The following STARD10 variants were observed in gnomAD, a reference collection of about 807,000 sequenced individuals.
STARD10 encodes START domain-containing protein 10.
A neutral mutation model predicts 36.0 loss-of-function variants in STARD10; 24 were observed. The observed-to-expected ratio is 0.67, with a 90% CI of 0.48 to 0.94. The LOEUF (loss-of-function observed/expected upper bound fraction) is 0.94. STARD10 is among the 40% of genes least tolerant of loss of function. The pLI is 0.00. For synonymous variants in STARD10, 156 were observed against 161.9 expected, an observed-to-expected ratio of 0.96 and a Z score of 0.28; for missense variants, 335 against 396.6, an observed-to-expected ratio of 0.84 and a Z score of 1.32.
intron 1 of STARD10, among the ~76,000 whole-genome samples, chr11:72,788,397 A>G (rs552252232): frequency 1.1e-4 from 16 of 152,300 alleles, no homozygotes; most frequent in Middle Eastern, 3.4e-3. Context: ...TGGTGTGCAC[A>G]TTCTCCAGGA....
chr11:72,772,306 G>A (rs1442178491), intron 2 of STARD10, among the ~76,000 whole-genome samples: 1 of 151,352 alleles, frequency 6.6e-6, no homozygotes, highest in East Asian at 1.9e-4. Flanking sequence ...AGTGGGCATG[G>A]CTCTCCCTGT....
At chr11:72,757,926 G>A (rs1858665478) in intron 4 of STARD10, 42 bp from the exon 5 acceptor site, 1 of 1,570,514 alleles carries the variant, frequency 6.4e-7, no homozygotes, top group Non-Finnish European at 8.8e-7. Context: ...CGGGGTGGGG[G>A]CAAAGAAGAT....
intron 2 of STARD10, among the ~76,000 whole-genome samples, chr11:72,774,521 G>T (rs1055225331): frequency 6.6e-6 from 1 of 152,228 alleles, no homozygotes; most frequent in African/African-American, 2.4e-5. Context: ...GGGCATCAAG[G>T]CCAGTCCAAG....
chr11:72,783,740 G>A (rs1246009856), intron 1 of STARD10: 2 of 152,456 alleles, frequency 1.3e-5, no homozygotes, highest in African/African-American at 2.4e-5. Flanking sequence ...GCAGATAGCA[G>A]GTACCAGGGC....
At chr11:72,764,113 G>T (rs150895936) in intron 2 of STARD10, among the ~76,000 whole-genome samples, 166 of 152,288 alleles carry the variant, frequency 1.1e-3, no homozygotes, top group African/African-American at 3.6e-3. Context: ...ACCATGAGTG[G>T]ATGGAGGGGC....
Position 72,759,404 on chromosome 11 carries a change from G to A in STARD10, c.208-23C>T, listed in dbSNP as rs777811179. 6 of 1,613,930 alleles carry A rather than the reference G, an allele frequency of 3.7e-6. No homozygotes were observed. The South Asian group carries it at 5.5e-5, about 15-fold the overall frequency. ...GCACTGCAGACAAGATATATGGGTTGTCAGGATCATATGGGGCTCAGAGCC... is the reference window on the plus strand; with the variant it reads ...GCACTGCAGACAAGATATATGGGTTATCAGGATCATATGGGGCTCAGAGCC... On this transcript the variant is annotated intron_variant, in intron 2 of 6. Coordinates refer to ENST00000334805, the MANE Select transcript of STARD10 (RefSeq NM_006645.3).
chr11:72,781,231 G>C lies in STARD10; in HGVS notation c.-50C>G. ...CCTGGTCCTAGTCCGGCTCTCCTGG[G>C]TCCTCCGCGGAGGCTCCGACAACGT... On this transcript the variant is annotated 5_prime_UTR_variant, in exon 2 of 7. Coordinates refer to ENST00000334805, the MANE Select transcript of STARD10 (RefSeq NM_006645.3). This position sits in a 1 kb window ranked among gnomAD's most constrained non-coding sequence, Gnocchi z 4.7. 6.5e-7 allele frequency: 1 copy of C among 1,540,798 alleles called. No homozygotes were observed. Among genetic ancestry groups the C allele is most frequent in the Non-Finnish European group, 8.8e-7 (1 of 1,132,460 alleles).
intron 6 of STARD10, 90 bp downstream of exon 6, chr11:72,755,611 C>A: frequency 6.7e-7 from 1 of 1,491,452 alleles, no homozygotes; most frequent in South Asian, 1.1e-5. Context: ...ACGCCTGGCC[C>A]TCAGGCTCCA....
intron 1 of STARD10, among the ~76,000 whole-genome samples, chr11:72,792,163 C>A (rs1171155664): frequency 6.6e-6 from 1 of 151,660 alleles, no homozygotes; most frequent in Non-Finnish European, 1.5e-5. Context: ...CATTCTCCTG[C>A]CCCAGCCTCC....
At chr11:72,779,990 C>T (rs1360377231) in intron 2 of STARD10, 4 of 290,162 alleles carry the variant, frequency 1.4e-5, no homozygotes, top group African/African-American at 8.8e-5. Context: ...GGAGGGTGGA[C>T]TCCTCCACAT....
rs928123701 is a variant in STARD10, at chr11:72,783,785, T to C, written c.-113-2491A>G. Among the ~76,000 whole-genome samples the C allele has an allele frequency of 2.6e-5, 4 of 151,810 alleles. No individual in the cohort carries two copies. The East Asian group carries it at 7.7e-4, about 29-fold the overall frequency. ...CTCATACCCACCATCCAGTCCAGGGTAAAAAAGACAAGGCCAGGAGGTAGC... is the reference window on the plus strand; with the variant it reads ...CTCATACCCACCATCCAGTCCAGGGCAAAAAAGACAAGGCCAGGAGGTAGC... On this transcript the variant is annotated intron_variant, in intron 1 of 6. Transcript: ENST00000334805.
chr11:72,768,189 T>A (rs1858816156), intron 2 of STARD10, among the ~76,000 whole-genome samples: 1 of 152,002 alleles, frequency 6.6e-6, no homozygotes, highest in Admixed American at 6.5e-5. Context: ...GAGAGGAGGC[T>A]CTGAGAGATG....
intron 2 of STARD10, among the ~76,000 whole-genome samples, chr11:72,763,215 G>A (rs935556655): frequency 1.1e-3 from 174 of 152,234 alleles, no homozygotes; most frequent in African/African-American, 3.9e-3. Context: ...ACTCAATAAT[G>A]ACCATAACTG....
chr11:72,773,615 G>A lies in STARD10; in HGVS notation c.207+7360C>T, dbSNP rs375448086. ...CAGGCCCCTGTCCCGGGGCTGTCAC[G>A]TGGGTAGGAAGGGGGGAGATGGGAA... is the stretch of plus-strand genomic sequence containing the variant. On this transcript the variant is annotated intron_variant, in intron 2 of 6. Coordinates refer to ENST00000334805, the MANE Select transcript of STARD10 (RefSeq NM_006645.3). 9.8e-5 allele frequency among the ~76,000 whole-genome samples: 15 copies of A among 152,308 alleles called. No individual in the cohort carries two copies. The East Asian group carries it at 1.5e-3, about 16-fold the overall frequency.
At chr11:72,776,624 G>A (rs959975885) in intron 2 of STARD10, among the ~76,000 whole-genome samples, 2 of 152,242 alleles carry the variant, frequency 1.3e-5, no homozygotes, top group African/African-American at 4.8e-5. Context: ...CCGGCTGTTT[G>A]GCTGTGCACA....
rs1303221321 is a variant in STARD10 at position 72,781,959 on chromosome 11, G to C, written c.-113-665C>G. On this transcript the variant is annotated intron_variant, in intron 1 of 6. Transcript: ENST00000334805. The surrounding 1 kb of genome is among the most constrained non-coding windows in gnomAD (Gnocchi z 4.7). ...AGGGTCCTAGCGCCCGCCCCCGCCGGCCCTGGGAGGGGACCCTGCGCGCGA... is the reference window on the plus strand; with the variant it reads ...AGGGTCCTAGCGCCCGCCCCCGCCGCCCCTGGGAGGGGACCCTGCGCGCGA... The C allele has an allele frequency of 1.3e-5, 2 of 152,076 alleles. No individual in the cohort carries two copies. The highest frequency in any genetic ancestry group is 4.8e-5 in the African/African-American group (2 of 41,436). The allele number at this position is 152,076 out of a possible 1,614,324, so 9.4% of individuals were successfully genotyped here. A position where few individuals can be genotyped will look rare whatever the true frequency, so the allele number is the denominator to read the frequency against.
chr11:72,760,298 C>T (rs559314547), intron 2 of STARD10, among the ~76,000 whole-genome samples: 37 of 152,254 alleles, frequency 2.4e-4, no homozygotes, highest in African/African-American at 7.9e-4. Flanking sequence ...GTGATCTCGG[C>T]TCACTGCAAG....
At chr11:72,791,185 G>A (rs1463931573) in intron 1 of STARD10, among the ~76,000 whole-genome samples, 1 of 152,142 alleles carries the variant, frequency 6.6e-6, no homozygotes, top group African/African-American at 2.4e-5. Context: ...GCTCAGAGAG[G>A]GGCAGGGACT....
At position 72,793,527 on chromosome 11, in the gene STARD10, G is replaced by C. The variant is rs1859175382; in HGVS notation, c.-766C>G. On this transcript the variant is annotated 5_prime_UTR_variant, in exon 1 of 7. Transcript: ENST00000334805. ...TCTGCCTGACTTCCTCTAACCTGTT[G>C]TCCCATTTGTAAAAGGACTGTTGTG... The C allele has an allele frequency of 6.6e-6, 1 of 152,254 alleles. No homozygotes were observed. Among genetic ancestry groups the C allele is most frequent in the Non-Finnish European group, 1.5e-5 (1 of 68,066 alleles). 9.4% of individuals were successfully genotyped at this position (152,254 alleles called of 1,614,324 possible). A position where few individuals can be genotyped will look rare whatever the true frequency, so the allele number is the denominator to read the frequency against.
Sources: gnomAD v4.1 joint callset for allele counts (sites outside exome capture counted in the v4.1 genomes callset) on GRCh38, gnomAD v4.1.1 for gene constraint, Gnocchi (gnomAD v3.1) non-coding constraint, MANE v1.5 for transcripts, NCBI Gene and HGNC (gene_info 2026-07-23, HGNC 2026-07-21) for gene names.